The following ESR1 variants were observed in gnomAD, a reference collection of about 807,000 sequenced individuals.
ESR1 encodes the protein estrogen receptor 1, also known as estrogen receptor.
Under a neutral mutation model 52.7 loss-of-function variants are expected in ESR1, and 12 were observed. That is an observed-to-expected ratio of 0.23 (90% confidence interval 0.15 to 0.37). The LOEUF (loss-of-function observed/expected upper bound fraction) is 0.37. Ranked by LOEUF, ESR1 falls within the 10% of genes least tolerant of loss-of-function variation. ESR1 has a pLI of 1.00. For synonymous variants in ESR1, 305 were observed against 316.8 expected (o/e 0.96, Z 0.39); for missense variants, 584 against 779.7 (o/e 0.75, Z 2.99).
intron 2 of ESR1, among the ~76,000 whole-genome samples, chr6:151,759,720 C>T (rs1006640985): frequency 1.3e-5 from 2 of 152,156 alleles, no homozygotes; most frequent in Non-Finnish European, 2.9e-5. Flanking sequence ...GATAAAATGA[C>T]ATGGCACTAT....
intron 6 of ESR1, among the ~76,000 whole-genome samples, chr6:152,079,394 G>A (rs9479204): frequency 0.21 from 32,098 of 152,066 alleles, 4,785 homozygotes; most frequent in African/African-American, 0.41. Flanking sequence ...TGCAGCTGAG[G>A]GGCCTGACGG....
rs143803816 is a variant in ESR1, at chr6:151,730,449, G to A, written c.-71+28444G>A. On this transcript the variant is annotated intron_variant, in intron 2 of 2. Coordinates refer to the ESR1 transcript ENST00000404742. ...CCAGAGCTCATCTGTCTCCATGTGT[G>A]TCCTGCTTCTCAGAGGGTCTTGAGT... Among the ~76,000 whole-genome samples, 1,006 of 152,204 alleles carry A rather than the reference G, an allele frequency of 6.6e-3. 3 individuals carry two copies. The highest frequency in any genetic ancestry group is 9.7e-3 in the Non-Finnish European group (662 of 68,016).
At chr6:151,680,357 C>A (rs964783175) in intron 1 of ESR1, among the ~76,000 whole-genome samples, 5 of 152,058 alleles carry the variant, frequency 3.3e-5, no homozygotes, top group African/African-American at 1.2e-4. Context: ...GTGCACACCA[C>A]CACGCCCAGC....
chr6:152,117,694 C>G (rs961173505), intron 6 of ESR1, among the ~76,000 whole-genome samples: 4 of 152,214 alleles, frequency 2.6e-5, no homozygotes, highest in African/African-American at 7.2e-5. Context: ...TGTCCAGCCC[C>G]CTTAGCTTCC....
chr6:151,659,099 C>T (rs928972725), intron 1 of ESR1, among the ~76,000 whole-genome samples: 9 of 151,164 alleles, frequency 6.0e-5, no homozygotes, highest in African/African-American at 1.5e-4. Flanking sequence ...CCGCAACCTC[C>T]GCCTCCTGGG....
intron 5 of ESR1, among the ~76,000 whole-genome samples, chr6:152,059,974 T>A (rs2047417633): frequency 6.6e-6 from 1 of 152,200 alleles, no homozygotes; most frequent in South Asian, 2.1e-4. Context: ...TTTTAATTGT[T>A]TATATATTTC....
chr6:152,041,642 A>G (rs1262367458), intron 5 of ESR1, among the ~76,000 whole-genome samples: 3 of 152,236 alleles, frequency 2.0e-5, no homozygotes, highest in East Asian at 3.9e-4. Context: ...CTTCTTGCTC[A>G]TTGGATCCAA....
At chr6:151,666,483 G>A (rs1777826591) in intron 1 of ESR1, among the ~76,000 whole-genome samples, 1 of 152,152 alleles carries the variant, frequency 6.6e-6, no homozygotes, top group Admixed American at 6.5e-5. Flanking sequence ...CACAGCTCCT[G>A]GGCCATTGGT....
intron 1 of ESR1, among the ~76,000 whole-genome samples, chr6:151,818,268 G>A (rs1387731498): frequency 6.6e-6 from 1 of 152,152 alleles, no homozygotes; most frequent in African/African-American, 2.4e-5. Context: ...AAATCTCAGA[G>A]ATATGTATAA....
chr6:151,989,051 C>T (rs74488112), intron 4 of ESR1, among the ~76,000 whole-genome samples: 3,535 of 152,178 alleles, frequency 0.023, 68 homozygotes, highest in South Asian at 0.071. Context: ...CACAAAAATT[C>T]ATAAGATGAG....
chr6:151,714,765 C>T (rs1780895384), intron 2 of ESR1, among the ~76,000 whole-genome samples: 1 of 152,140 alleles, frequency 6.6e-6, no homozygotes, highest in African/African-American at 2.4e-5. Context: ...GAATACAGCA[C>T]ACCAATGGGT....
At chr6:151,850,007 A>ATATAT (rs1786092353) in intron 2 of ESR1, among the ~76,000 whole-genome samples, 1 of 76,368 alleles carries the variant, frequency 1.3e-5, no homozygotes, top group Admixed American at 1.7e-4. Context: ...TATATATATA[A>ATATAT]TTTTGTATAT....
intron 5 of ESR1, among the ~76,000 whole-genome samples, chr6:152,021,827 T>C (rs2043680381): frequency 6.6e-6 from 1 of 152,222 alleles, no homozygotes; most frequent in Middle Eastern, 3.4e-3. Flanking sequence ...TCTCACAAGA[T>C]CTGATGGTTT....
intron 2 of ESR1, among the ~76,000 whole-genome samples, chr6:151,721,286 C>T (rs1057238797): frequency 1.2e-4 from 19 of 152,114 alleles, no homozygotes; most frequent in Admixed American, 9.2e-4. Context: ...TTAGGGGAGT[C>T]GTAAGTGGTT....
At chr6:152,087,339 T>C (rs932583587) in intron 6 of ESR1, among the ~76,000 whole-genome samples, 14 of 152,262 alleles carry the variant, frequency 9.2e-5, no homozygotes, top group Admixed American at 2.6e-4. Flanking sequence ...TACAAAACAT[T>C]CCTCTGTCTT....
At chr6:151,768,270 A>C (rs1451376753) in intron 2 of ESR1, among the ~76,000 whole-genome samples, 2 of 152,232 alleles carry the variant, frequency 1.3e-5, no homozygotes. Flanking sequence ...GATATGATAC[A>C]CAAAGGAGAA....
At position 152,099,192 on chromosome 6, in the gene ESR1, GCT is replaced by G; in HGVS notation, c.*231_*232del. 1.7e-6 allele frequency: 1 copy of G among 584,084 alleles called. No individual in the cohort carries two copies. The highest frequency in any genetic ancestry group is 3.1e-6 in the Non-Finnish European group (1 of 322,670). The allele number at this position is 584,084 out of a possible 1,614,324, so 36.2% of individuals were successfully genotyped here. On this transcript the variant is annotated 3_prime_UTR_variant, in exon 8 of 8. Coordinates refer to ENST00000206249, the MANE Select transcript of ESR1 (RefSeq NM_000125.4). ...ATTCCAAGGCTAAATCTTTGTAACAGCTCTCTTTCCCCCTTGCTATGTTACTA... is the reference window on the plus strand; with the variant it reads ...ATTCCAAGGCTAAATCTTTGTAACAGCTCTTTCCCCCTTGCTATGTTACTA...
At chr6:151,900,219 GTTT>G (rs1289428065) in intron 3 of ESR1, among the ~76,000 whole-genome samples, 1 of 152,170 alleles carries the variant, frequency 6.6e-6, no homozygotes, top group African/African-American at 2.4e-5. Context: ...TCTTATGCTT[GTTT>G]TATTCTATTG....
upstream of ESR1, among the ~76,000 whole-genome samples, chr6:151,688,421 A>G (rs1778771584): frequency 6.6e-6 from 1 of 152,170 alleles, no homozygotes; most frequent in Non-Finnish European, 1.5e-5. Context: ...TGGTATGGGT[A>G]CTTAATCTCA....
Sources: allele counts gnomAD v4.1 joint callset (sites outside exome capture counted in the v4.1 genomes callset), GRCh38; gene constraint gnomAD v4.1.1; transcripts MANE v1.5; gene names NCBI Gene and HGNC (gene_info 2026-07-23, HGNC 2026-07-21).